The following TRPS1 variants were observed in gnomAD, a reference collection of about 807,000 sequenced individuals.
TRPS1 encodes the protein transcriptional repressor GATA binding 1, also known as zinc finger transcription factor Trps1.
A neutral mutation model predicts 101.2 loss-of-function variants in TRPS1; 6 were observed. The ratio of observed to expected loss-of-function variants is 0.06; its 90% confidence interval spans 0.03 to 0.12. The LOEUF (loss-of-function observed/expected upper bound fraction) is 0.12. TRPS1 is among the 10% of genes least tolerant of loss of function. The pLI, the probability that TRPS1 is intolerant of heterozygous loss-of-function variation, is 1.00. For missense variants in TRPS1, 1,363 were observed against 1,567.0 expected (o/e 0.87, Z 2.20); for synonymous variants, 578 against 589.8 (o/e 0.98, Z 0.29).
intron 1 of TRPS1, among the ~76,000 whole-genome samples, chr8:115,638,133 C>T (rs1216199596): frequency 6.6e-6 from 1 of 152,150 alleles, no homozygotes; most frequent in African/African-American, 2.4e-5. Context: ...CAACACAACA[C>T]ACCTCTTTAA....
intron 5 of TRPS1, among the ~76,000 whole-genome samples, chr8:115,482,269 T>C (rs1814773393): frequency 2.0e-5 from 3 of 152,170 alleles, no homozygotes; most frequent in Admixed American, 2.0e-4. Flanking sequence ...TTGTTTAAAG[T>C]CCTAGCTTGC....
At position 115,533,436 on chromosome 8, in the gene TRPS1, G is replaced by GTTTTTT. The variant is rs1161916592; in HGVS notation, c.2700+53559_2700+53564dup. ...GGGGCCCGCTTCCCACATGTAATCT[G>GTTTTTT]TTTTTTTTTTTTTTTTTTTTTTTCC... On this transcript the variant is annotated intron_variant, in intron 5 of 6. Coordinates refer to ENST00000395715, the MANE Select transcript of TRPS1 (RefSeq NM_014112.5). Among the ~76,000 whole-genome samples, 61 of 34,990 alleles carry GTTTTTT rather than the reference G, an allele frequency of 1.7e-3. 9 individuals carry two copies. The highest frequency in any genetic ancestry group is 4.3e-3 in the African/African-American group (41 of 9,616). 23.0% of individuals were successfully genotyped at this position (34,990 alleles called of 152,430 possible). A position where few individuals can be genotyped will look rare whatever the true frequency, so the allele number is the denominator to read the frequency against.
chr8:115,423,147 A>G (rs1158031336), intron 5 of TRPS1, among the ~76,000 whole-genome samples: 2 of 152,240 alleles, frequency 1.3e-5, no homozygotes, highest in African/African-American at 4.8e-5. Flanking sequence ...CCAAAGCTAC[A>G]TGAGGCAGCT....
At chr8:115,630,354 T>C (rs1490619080) in intron 1 of TRPS1, among the ~76,000 whole-genome samples, 1 of 151,842 alleles carries the variant, frequency 6.6e-6, no homozygotes, top group East Asian at 1.9e-4. Flanking sequence ...TAAGAATCTA[T>C]CTAAACATAC....
At chr8:115,522,010 A>T (rs954469291) in intron 5 of TRPS1, among the ~76,000 whole-genome samples, 3 of 151,982 alleles carry the variant, frequency 2.0e-5, no homozygotes, top group Non-Finnish European at 4.4e-5. Flanking sequence ...TGAGAAAGAC[A>T]TAAAACTATG....
intron 5 of TRPS1, among the ~76,000 whole-genome samples, chr8:115,539,378 C>T (rs781700393): frequency 2.1e-4 from 32 of 152,168 alleles, no homozygotes; most frequent in Non-Finnish European, 4.1e-4. Flanking sequence ...CTAATTTTTG[C>T]ACCATTTCTA....
intron 5 of TRPS1, among the ~76,000 whole-genome samples, chr8:115,483,882 T>C (rs1008139579): frequency 6.6e-6 from 1 of 152,134 alleles, no homozygotes. Context: ...TTGAAAAGCA[T>C]ATAAAAGATA....
In TRPS1 at chr8:115,587,488, T is replaced by C. The variant is rs766865707; in HGVS notation, c.2213A>G (p.Asn738Ser). ...TATGGCATGACCGTCCTCTTCGCCG[T>C]TGGCTGTAGTGATGTCCTGTTCCTG... ...HCQEQDITTANGEEDGHAIST... is the reference protein window; with the variant it reads ...HCQEQDITTASGEEDGHAIST... Residue 738 changes from asparagine (N) to serine (S), a missense_variant, in exon 5 of 7, where the codon AAC becomes AGC. By Grantham distance (46) the Asn-to-Ser change is conservative. Coordinates refer to ENST00000395715, the MANE Select transcript of TRPS1 (RefSeq NM_014112.5). The C allele has an allele frequency of 5.0e-6, 8 of 1,614,012 alleles. No homozygotes were observed. Among genetic ancestry groups the C allele is most frequent in the African/African-American group, 2.7e-5 (2 of 74,906 alleles).
chr8:115,615,768 GAAAAAGAAAAAAAT>G (rs1179638824), intron 3 of TRPS1, among the ~76,000 whole-genome samples: 1 of 151,500 alleles, frequency 6.6e-6, no homozygotes, highest in African/African-American at 2.4e-5. Flanking sequence ...TCTCCAAAAA[GAAAAAGAAAAAAAT>G]AAAAAGAAAG....
At chr8:115,610,154 AAC>A (rs1397051165) in intron 3 of TRPS1, among the ~76,000 whole-genome samples, 1 of 152,216 alleles carries the variant, frequency 6.6e-6, no homozygotes, top group Non-Finnish European at 1.5e-5. Context: ...AATTGATAGC[AAC>A]AGAGACAATT....
intron 5 of TRPS1, among the ~76,000 whole-genome samples, chr8:115,568,902 G>C (rs1817136125): frequency 6.6e-6 from 1 of 152,090 alleles, no homozygotes; most frequent in African/African-American, 2.4e-5. Context: ...CTTATTGGCA[G>C]ATGGTTAGCC....
In TRPS1 at chr8:115,553,985, C is replaced by T. The variant is rs190094079; in HGVS notation, c.2700+33016G>A. 2.2e-3 allele frequency among the ~76,000 whole-genome samples: 328 copies of T among 152,206 alleles called. 1 individual carries two copies. The highest frequency in any genetic ancestry group is 6.8e-3 in the Middle Eastern group (2 of 292). ...TTCCAAATTTATAGTCTTTATTAAA[C>T]ACTTACTTTTTTCCAAAAATTCTTA... On this transcript the variant is annotated intron_variant, in intron 5 of 6. Coordinates refer to ENST00000395715, the MANE Select transcript of TRPS1 (RefSeq NM_014112.5).
At chr8:115,478,069 C>T (rs1814649711) in intron 5 of TRPS1, among the ~76,000 whole-genome samples, 1 of 152,118 alleles carries the variant, frequency 6.6e-6, no homozygotes, top group East Asian at 1.9e-4. Context: ...AAAATTACTA[C>T]AAGTGGTCCT....
chr8:115,431,117 A>T (rs73367451), intron 5 of TRPS1, among the ~76,000 whole-genome samples: 1,993 of 152,164 alleles, frequency 0.013, 51 homozygotes, highest in African/African-American at 0.046. Context: ...CAGTTAACAT[A>T]AACATAATGA....
At chr8:115,563,179 G>C (rs949206755) in intron 5 of TRPS1, among the ~76,000 whole-genome samples, 1 of 151,960 alleles carries the variant, frequency 6.6e-6, no homozygotes, top group Non-Finnish European at 1.5e-5. Context: ...TCACTAAAAA[G>C]AACTGCAAGT....
intron 3 of TRPS1, among the ~76,000 whole-genome samples, chr8:115,614,423 C>T (rs530636959): frequency 6.6e-6 from 1 of 152,314 alleles, no homozygotes; most frequent in East Asian, 1.9e-4. Context: ...ATTTAACTGT[C>T]ATGCAGGTAA....
At chr8:115,472,793 T>C (rs1287915404) in intron 5 of TRPS1, among the ~76,000 whole-genome samples, 2 of 152,128 alleles carry the variant, frequency 1.3e-5, no homozygotes, top group Non-Finnish European at 1.5e-5. Flanking sequence ...CTAAATCATC[T>C]CTCTCAAGGT....
At chr8:115,633,596 A>G (rs894136205) in intron 1 of TRPS1, among the ~76,000 whole-genome samples, 1 of 152,138 alleles carries the variant, frequency 6.6e-6, no homozygotes, top group Admixed American at 6.6e-5. Flanking sequence ...TAGTAGTCCT[A>G]TTTCACAAAT....
At chr8:115,466,149 AG>A (rs1055384395) in intron 5 of TRPS1, among the ~76,000 whole-genome samples, 2 of 152,166 alleles carry the variant, frequency 1.3e-5, no homozygotes, top group African/African-American at 2.4e-5. Flanking sequence ...AACATGGGAG[AG>A]AAGGAAAGTG....
Sources: allele counts gnomAD v4.1 joint callset (sites outside exome capture counted in the v4.1 genomes callset), GRCh38; gene constraint gnomAD v4.1.1; transcripts MANE v1.5; gene names NCBI Gene and HGNC (gene_info 2026-07-23, HGNC 2026-07-21).